GRM3: variants seen among roughly 807,000 people sequenced by gnomAD.
GRM3 encodes the protein metabotropic glutamate receptor 3.
Under a neutral mutation model 70.5 loss-of-function variants are expected in GRM3, and 26 were observed. The ratio of observed to expected loss-of-function variants is 0.37; its 90% CI spans 0.27 to 0.51. GRM3 has a LOEUF of 0.51. Ranked by LOEUF, GRM3 falls within the 20% of genes least tolerant of loss-of-function variation. GRM3 has a pLI of 0.93. For missense variants in GRM3, 859 were observed against 1,123.8 expected (o/e 0.76, Z 3.37); for synonymous variants, 443 against 434.9 (o/e 1.02, Z -0.23).
chr7:86,683,680 A>C (rs75236179), intron 1 of GRM3, among the ~76,000 whole-genome samples: 2,949 of 152,304 alleles, frequency 0.019, 22 homozygotes, highest in Non-Finnish European at 0.029. Context: ...GCACCATGCC[A>C]GACATGGTGG....
chr7:86,713,983 C>T (rs1176566656), intron 1 of GRM3, among the ~76,000 whole-genome samples: 2 of 151,916 alleles, frequency 1.3e-5, no homozygotes, highest in Non-Finnish European at 2.9e-5. Flanking sequence ...AAGGCAGGTC[C>T]ATTCCTAGGA....
intron 1 of GRM3, among the ~76,000 whole-genome samples, chr7:86,685,777 G>A (rs750937917): frequency 5.9e-5 from 9 of 151,788 alleles, no homozygotes; most frequent in South Asian, 2.1e-4. Flanking sequence ...ATGGTGGGGC[G>A]CACCTGTAGT....
intron 2 of GRM3, among the ~76,000 whole-genome samples, chr7:86,770,780 T>C (rs911462566): frequency 3.3e-5 from 5 of 152,120 alleles, no homozygotes; most frequent in Non-Finnish European, 5.9e-5. Flanking sequence ...ATAGCCTTCA[T>C]ATAGTTAGCT....
intron 1 of GRM3, among the ~76,000 whole-genome samples, chr7:86,690,880 G>A (rs1794681123): frequency 6.6e-6 from 1 of 152,110 alleles, no homozygotes; most frequent in African/African-American, 2.4e-5. Flanking sequence ...TGTATAAAGA[G>A]CATATTCATA....
chr7:86,660,013 A>T (rs1367306491), intron 1 of GRM3, among the ~76,000 whole-genome samples: 1 of 152,020 alleles, frequency 6.6e-6, no homozygotes, highest in African/African-American at 2.4e-5. Context: ...CAGGAAAGAA[A>T]ACTGTCCTAC....
chr7:86,800,816 C>G (rs957613812), intron 3 of GRM3, among the ~76,000 whole-genome samples: 24 of 152,176 alleles, frequency 1.6e-4, no homozygotes, highest in African/African-American at 5.8e-4. Context: ...GATACAAAAA[C>G]CTGGCAGAGA....
rs536332070 is a variant in GRM3, at chr7:86,838,980, C to T, written c.1466C>T (p.Thr489Ile). 3.7e-6 allele frequency: 6 copies of T among 1,613,936 alleles called. No individual in the cohort carries two copies. The highest frequency in any genetic ancestry group is 2.2e-5 in the East Asian group (1 of 44,888). Residue 489 changes from threonine (T) to isoleucine (I), a missense_variant, in exon 4 of 6, where the codon ACC becomes ATC. Coordinates refer to ENST00000361669, the MANE Select transcript of GRM3 (RefSeq NM_000840.3). ...SYLKVGHWAE[T>I]LSLDVNSIHW... is the part of the protein sequence containing the mutation. ...TTGAAAGTTGGTCACTGGGCAGAAACCTTATCGCTAGATGTCAACTCTATC... is the reference window on the plus strand; with the variant it reads ...TTGAAAGTTGGTCACTGGGCAGAAATCTTATCGCTAGATGTCAACTCTATC...
chr7:86,792,620 C>T (rs938756376), intron 3 of GRM3, among the ~76,000 whole-genome samples: 4 of 152,176 alleles, frequency 2.6e-5, no homozygotes, highest in Non-Finnish European at 5.9e-5. Context: ...ATTCATTCCA[C>T]AGATACGTTT....
At chr7:86,844,469 C>A (rs1397900595) in intron 4 of GRM3, among the ~76,000 whole-genome samples, 1 of 152,052 alleles carries the variant, frequency 6.6e-6, no homozygotes, top group East Asian at 1.9e-4. Context: ...ACTTTATAAG[C>A]CATAGCAAAG....
At chr7:86,852,033 G>C (rs1441926124) in intron 5 of GRM3, among the ~76,000 whole-genome samples, 1 of 151,998 alleles carries the variant, frequency 6.6e-6, no homozygotes, top group Non-Finnish European at 1.5e-5. Context: ...CTTATTCAAT[G>C]CTCCAACCCC....
intron 1 of GRM3, among the ~76,000 whole-genome samples, chr7:86,743,140 A>C (rs1796025761): frequency 6.6e-6 from 1 of 152,192 alleles, no homozygotes; most frequent in Non-Finnish European, 1.5e-5. Flanking sequence ...TTGAAGATGA[A>C]AACTATATAG....
At chr7:86,707,516 G>C (rs1192310161) in intron 1 of GRM3, among the ~76,000 whole-genome samples, 1 of 152,028 alleles carries the variant, frequency 6.6e-6, no homozygotes, top group Non-Finnish European at 1.5e-5. Flanking sequence ...CCTTGGGCAA[G>C]TTATCTGACA....
chr7:86,768,415 C>T (rs1341257825), intron 2 of GRM3, among the ~76,000 whole-genome samples: 1 of 152,174 alleles, frequency 6.6e-6, no homozygotes, highest in African/African-American at 2.4e-5. Context: ...TGCACTGTGA[C>T]AGGAGTTAGA....
chr7:86,844,302 G>A (rs1456107464), intron 4 of GRM3, among the ~76,000 whole-genome samples: 1 of 152,142 alleles, frequency 6.6e-6, no homozygotes, highest in Non-Finnish European at 1.5e-5. Flanking sequence ...GAGGCAGCCA[G>A]ACATTGGAAT....
In GRM3 at chr7:86,831,288, T is replaced by A. The variant is rs73706816; in HGVS notation, c.1325-7551T>A. Among the ~76,000 whole-genome samples the A allele has an allele frequency of 7.3e-3, 1,112 of 152,346 alleles. 15 individuals are homozygous for A. The highest frequency in any genetic ancestry group is 0.025 in the African/African-American group (1,053 of 41,578). On this transcript the variant is annotated intron_variant, in intron 3 of 5. Transcript: ENST00000361669. The stretch of plus-strand genomic sequence containing the variant: ...GTGTTACATGTGTGTGTTCACTTCA[T>A]GATAACCCACTTTTTCAAAATGCTT...
intron 5 of GRM3, among the ~76,000 whole-genome samples, chr7:86,855,466 T>C (rs1222975238): frequency 6.6e-6 from 1 of 152,180 alleles, no homozygotes; most frequent in African/African-American, 2.4e-5. Flanking sequence ...TATGTCATTA[T>C]CATGAAGATC....
chr7:86,835,207 T>G (rs1798431918), intron 3 of GRM3, among the ~76,000 whole-genome samples: 1 of 152,120 alleles, frequency 6.6e-6, no homozygotes, highest in African/African-American at 2.4e-5. Flanking sequence ...CTTAGTACTT[T>G]ATAATTTTCA....
chr7:86,759,680 A>G (rs886276866), intron 1 of GRM3, among the ~76,000 whole-genome samples: 1 of 152,174 alleles, frequency 6.6e-6, no homozygotes, highest in African/African-American at 2.4e-5. Flanking sequence ...TAAACATAGC[A>G]CAAAGTATAT....
intron 1 of GRM3, among the ~76,000 whole-genome samples, chr7:86,710,734 A>G (rs557155425): frequency 1.3e-5 from 2 of 152,112 alleles, no homozygotes; most frequent in Non-Finnish European, 2.9e-5. Flanking sequence ...GTATTTTCTC[A>G]GAGTCTGTAG....
Sources: gnomAD v4.1 joint callset for allele counts (sites outside exome capture counted in the v4.1 genomes callset) on GRCh38, gnomAD v4.1.1 for gene constraint, MANE v1.5 for transcripts, NCBI Gene and HGNC (gene_info 2026-07-23, HGNC 2026-07-21) for gene names.